Variants in CAPRIN1 observed in about 807,000 individuals in gnomAD.
CAPRIN1 encodes the protein caprin-1.
Under a neutral mutation model 100.9 loss-of-function variants are expected in CAPRIN1, and 29 were observed. That is an observed-to-expected ratio of 0.29 (90% CI 0.21 to 0.39). CAPRIN1 has a LOEUF of 0.39. Among genes scored for constraint, CAPRIN1 ranks in the 10% least tolerant of loss-of-function variants. The pLI, the probability that CAPRIN1 is intolerant of heterozygous loss-of-function variation, is 1.00. For missense variants in CAPRIN1, 795 were observed against 876.7 expected, an observed-to-expected ratio of 0.91 and a Z score of 1.18; for synonymous variants, 338 against 307.5, an observed-to-expected ratio of 1.10 and a Z score of -1.04.
chr11:34,052,875 CTT>C (rs1850357528), intron 2 of CAPRIN1: 1 of 1,391,046 alleles, frequency 7.2e-7, no homozygotes. Flanking sequence ...CCCCAGGCCT[CTT>C]TATTACTCTT....
intron 7 of CAPRIN1, among the ~76,000 whole-genome samples, chr11:34,081,279 C>A (rs539925986): frequency 1.3e-5 from 2 of 151,622 alleles, no homozygotes; most frequent in South Asian, 2.1e-4. Context: ...TGACTCACTG[C>A]AACCTCTGCC....
At chr11:34,068,547 C>T (rs1487247104) in intron 2 of CAPRIN1, among the ~76,000 whole-genome samples, 2 of 152,162 alleles carry the variant, frequency 1.3e-5, no homozygotes, top group Admixed American at 6.5e-5. Context: ...GTTTTCTACT[C>T]TAGGATAGCT....
chr11:34,096,119 G>A (rs74407600), intron 15 of CAPRIN1: 2,237 of 159,406 alleles, frequency 0.014, 70 homozygotes, highest in African/African-American at 0.049. Flanking sequence ...GGTACAAAAT[G>A]GTAATGTACT....
chr11:34,093,832 CA>C (rs1462583769), intron 15 of CAPRIN1, among the ~76,000 whole-genome samples: 1 of 151,534 alleles, frequency 6.6e-6, no homozygotes, highest in Non-Finnish European at 1.5e-5. Context: ...AGGGTTTCAC[CA>C]TATTGTCCAG....
rs1565092843 is a variant in CAPRIN1, at chr11:34,082,761, CAG to C, written c.827-61_827-60del. ...ATGACGTGTATCTACCAATATCACA[CAG>C]AGTAGAGTAGTATCACTGACCTAAA... On this transcript the variant is annotated intron_variant, in intron 7 of 18. Transcript: ENST00000341394. 2.6e-6 allele frequency: 3 copies of C among 1,147,908 alleles called. No homozygotes were observed. In the African/African-American group the frequency reaches 4.6e-5, roughly 18 times the overall value. The allele number at this position is 1,147,908 out of a possible 1,614,324, so 71.1% of individuals were successfully genotyped here.
In CAPRIN1 at chr11:34,092,063, A is replaced by C. The variant is rs1272998558; in HGVS notation, c.1705+7A>C. ...CAAGAACAGCTTCAAACAGGTACGA[A>C]ATCCAGTGTCACCTCATTGGCTCCT... On this transcript the variant is annotated splice_region_variant and intron_variant, in intron 15 of 18. Coordinates refer to ENST00000341394, the MANE Select transcript of CAPRIN1 (RefSeq NM_005898.5). 2 of 1,612,872 alleles carry C rather than the reference A, an allele frequency of 1.2e-6. No individual in the cohort carries two copies. The highest frequency in any genetic ancestry group is 8.5e-7 in the Non-Finnish European group (1 of 1,179,626).
At chr11:34,053,087 C>T (rs1850364938) in intron 2 of CAPRIN1, 6 of 1,024,892 alleles carry the variant, frequency 5.9e-6, no homozygotes, top group South Asian at 3.4e-5. Context: ...GGCCTGCGTC[C>T]TGCAGCCTTG....
rs75212444 is a variant in CAPRIN1 at position 34,082,666 on chromosome 11, C to T, written c.827-159C>T. Among the ~76,000 whole-genome samples the T allele has an allele frequency of 9.7e-3, 1,475 of 152,256 alleles. 13 individuals are homozygous for T. Among genetic ancestry groups the T allele is most frequent in the Non-Finnish European group, 0.015 (1,016 of 68,028 alleles). On this transcript the variant is annotated intron_variant, in intron 7 of 18. Coordinates refer to ENST00000341394, the MANE Select transcript of CAPRIN1 (RefSeq NM_005898.5). ...ACCCAAACTGACACATTATTATCAC[C>T]CAAAGTCCATAGTTTACATATGGGT...
At chr11:34,063,633 C>G (rs538464820) in intron 2 of CAPRIN1, among the ~76,000 whole-genome samples, 2 of 152,160 alleles carry the variant, frequency 1.3e-5, no homozygotes, top group Non-Finnish European at 2.9e-5. Flanking sequence ...TCTGGGTAAT[C>G]TGGGAAATGG....
Position 34,053,095 on chromosome 11 carries a change from T to C in CAPRIN1, c.216+459T>C. Reference sequence around the variant, plus strand: ...TTGGGGCGGCCTGCGTCCTGCAGCCTTGGGGTCTGTCCGCTCGGTTACCAT... The same window carrying C: ...TTGGGGCGGCCTGCGTCCTGCAGCCCTGGGGTCTGTCCGCTCGGTTACCAT... On this transcript the variant is annotated intron_variant, in intron 2 of 18. Transcript: ENST00000341394. 4.9e-6 allele frequency: 5 copies of C among 1,013,774 alleles called. 1 individual carries two copies. The South Asian group carries it at 1.9e-4, about 38-fold the overall frequency. 62.8% of individuals were successfully genotyped at this position (1,013,774 alleles called of 1,614,324 possible). A position where few individuals can be genotyped will look rare whatever the true frequency, so the allele number is the denominator to read the frequency against.
chr11:34,087,511 T>A (rs1253214384), intron 11 of CAPRIN1, among the ~76,000 whole-genome samples: 1 of 140,996 alleles, frequency 7.1e-6, no homozygotes, highest in Admixed American at 6.9e-5. Flanking sequence ...TTTTTTGTAT[T>A]TTTAGTAGAG....
At chr11:34,097,540 G>A (rs1459818911) in intron 17 of CAPRIN1, among the ~76,000 whole-genome samples, 158 bp from the exon 18 acceptor site, 1 of 152,186 alleles carries the variant, frequency 6.6e-6, no homozygotes, top group Non-Finnish European at 1.5e-5. Context: ...AATAGTAGAA[G>A]TACAACAATT....
At chr11:34,072,474 G>T (rs936671015) in intron 4 of CAPRIN1, among the ~76,000 whole-genome samples, 1 of 152,096 alleles carries the variant, frequency 6.6e-6, no homozygotes, top group Non-Finnish European at 1.5e-5. Flanking sequence ...ATACATAAAT[G>T]TTTTTTATTT....
intron 2 of CAPRIN1, among the ~76,000 whole-genome samples, chr11:34,059,879 C>CTTT (rs570241213): frequency 9.1e-6 from 1 of 109,848 alleles, no homozygotes; most frequent in Admixed American, 9.5e-5. Flanking sequence ...TAGAAGAATA[C>CTTT]TTTTTTTTTT....
rs763872104 is a variant in CAPRIN1 at position 34,097,213 on chromosome 11, C to T, written c.1918C>T (p.Arg640Cys). 5.0e-6 allele frequency: 8 copies of T among 1,611,490 alleles called. No homozygotes were observed. The highest frequency in any genetic ancestry group is 1.3e-5 in the African/African-American group (1 of 74,788). The change falls in exon 17 of 19, where the codon CGC becomes TGC. Residue 640 changes from arginine (R) to cysteine (C), a missense_variant. Around this residue, in one of 3 missense-constraint regions of CAPRIN1, gnomAD observed 648 missense variants for 697.9 expected, o/e 0.93. Coordinates refer to ENST00000341394, the MANE Select transcript of CAPRIN1 (RefSeq NM_005898.5). Reference protein sequence around the residue: ...NGFRGGYDGYRPSFSNTPNSG... With the variant: ...NGFRGGYDGYCPSFSNTPNSG... ...AATTTTAGGAGGATATGATGGTTAC[C>T]GCCCTTCATTCTCTAACACTCCAAA...
intron 2 of CAPRIN1, among the ~76,000 whole-genome samples, chr11:34,068,920 A>C (rs1236457830): frequency 6.6e-6 from 1 of 152,154 alleles, no homozygotes; most frequent in African/African-American, 2.4e-5. Context: ...TAGATTTAGC[A>C]ACAATTTTCT....
chr11:34,053,010 G>C (rs1565079115), intron 2 of CAPRIN1: 1 of 1,049,150 alleles, frequency 9.5e-7, no homozygotes, highest in Non-Finnish European at 1.2e-6. Context: ...TCTGACGAGG[G>C]CCCAAAATGA....
At chr11:34,083,909 AAAAC>A (rs1851081384) in intron 9 of CAPRIN1, among the ~76,000 whole-genome samples, 1 of 152,082 alleles carries the variant, frequency 6.6e-6, no homozygotes. Context: ...CTCTACTTCA[AAAAC>A]AAACAAAAAC....
intron 2 of CAPRIN1, chr11:34,053,164 G>T: frequency 1.0e-6 from 1 of 987,792 alleles, no homozygotes; most frequent in Non-Finnish European, 1.2e-6. Context: ...CCGTAGGAGA[G>T]AAGTGTGTTT....
Sources: gnomAD v4.1 joint callset for allele counts (sites outside exome capture counted in the v4.1 genomes callset) on GRCh38, gnomAD v4.1.1 for gene constraint, gnomAD v4.1.1 regional missense constraint, MANE v1.5 for transcripts, NCBI Gene and HGNC (gene_info 2026-07-23, HGNC 2026-07-21) for gene names.